The following SCAP variants were observed in gnomAD, a reference collection of about 807,000 sequenced individuals.
SCAP encodes the protein SREBF chaperone, also known as sterol regulatory element-binding protein cleavage-activating protein.
In SCAP, 65 loss-of-function variants were observed where a neutral mutation model predicts 123.6. The ratio of observed to expected loss-of-function variants is 0.53; its 90% confidence interval spans 0.43 to 0.65. The LOEUF (loss-of-function observed/expected upper bound fraction) is 0.65. Among genes scored for constraint, SCAP ranks in the 30% least tolerant of loss-of-function variants. The probability of loss-of-function intolerance (pLI) is 0.00; values close to 1 mark genes in which losing one functional copy is unlikely to be tolerated. For synonymous variants in SCAP, 740 were observed against 726.3 expected, an observed-to-expected ratio of 1.02 and a Z score of -0.30; for missense variants, 1,398 against 1,712.5, an observed-to-expected ratio of 0.82 and a Z score of 3.24.
At chr3:47,422,773 GGAGA>G in intron 9 of SCAP, 1 of 446,576 alleles carries the variant, frequency 2.2e-6, no homozygotes, top group Admixed American at 3.8e-5. Flanking sequence ...AGGGTGCAGA[GGAGA>G]GCTATAATCA....
intron 2 of SCAP, among the ~76,000 whole-genome samples, chr3:47,436,709 G>A (rs1324285513): frequency 2.0e-5 from 3 of 152,122 alleles, no homozygotes; most frequent in Non-Finnish European, 4.4e-5. Flanking sequence ...TTAAAATTTA[G>A]AAATAACTTC....
In SCAP at chr3:47,420,167, G is replaced by A. The variant is rs574755372; in HGVS notation, c.1563+387C>T. Among the ~76,000 whole-genome samples, 10 of 152,268 alleles carry A rather than the reference G, an allele frequency of 6.6e-5. No individual in the cohort carries two copies. Among genetic ancestry groups the A allele is most frequent in the South Asian group, 2.1e-4 (1 of 4,816 alleles). On this transcript the variant is annotated intron_variant, in intron 12 of 22. Transcript: ENST00000265565. The surrounding 1 kb of genome is among the most constrained non-coding windows in gnomAD (Gnocchi z 5.0). ...TGCTGCCCCAAGGCCAGCCCAGCCC[G>A]GCTGGTGAATGATTTTGCCCAGCAC...
At chr3:47,436,124 A>G (rs1317600563) in intron 2 of SCAP, among the ~76,000 whole-genome samples, 1 of 152,198 alleles carries the variant, frequency 6.6e-6, no homozygotes, top group Non-Finnish European at 1.5e-5. Context: ...TTGCCAAATT[A>G]GATATAAGGG....
Position 47,426,188 on chromosome 3 carries a change from G to T in SCAP, c.738-19C>A, listed in dbSNP as rs1337733162. Reference sequence around the variant, plus strand: ...CAGGAACCTGGTCAAGGAGCAGGGTGGGGGTAAATGGAAGTGTTGCTCTTG... The same window carrying T: ...CAGGAACCTGGTCAAGGAGCAGGGTTGGGGTAAATGGAAGTGTTGCTCTTG... On this transcript the variant is annotated intron_variant, in intron 6 of 22. Coordinates refer to ENST00000265565, the MANE Select transcript of SCAP (RefSeq NM_012235.4). 3 of 1,606,668 alleles carry T rather than the reference G, an allele frequency of 1.9e-6. No individual in the cohort carries two copies. The highest frequency in any genetic ancestry group is 2.2e-5 in the East Asian group (1 of 44,756).
In SCAP at chr3:47,419,692, C is replaced by G; in HGVS notation, c.1576G>C (p.Val526Leu). Residue 526 changes from valine to leucine, a missense_variant, in exon 13 of 23, where the codon GTC becomes CTC. Coordinates refer to ENST00000265565, the MANE Select transcript of SCAP (RefSeq NM_012235.4). The surrounding 1 kb of genome is among the most constrained non-coding windows in gnomAD (Gnocchi z 5.0). ...AQRLIMAGTV[V>L]WIGILVYTDP... is the part of the protein sequence containing the mutation. ...GTGTATACCAGGATGCCAATCCAGA[C>G]AACGGTGCCAGCCTGCAGTGGGGCA... 6.6e-7 allele frequency: 1 copy of G among 1,521,446 alleles called. No homozygotes were observed. Among genetic ancestry groups the G allele is most frequent in the Non-Finnish European group, 8.8e-7 (1 of 1,134,316 alleles). The allele number at this position is 1,521,446 out of a possible 1,614,324, so 94.2% of individuals were successfully genotyped here.
At chr3:47,417,099 G>C (rs1278583753) in intron 18 of SCAP, 23 bp downstream of exon 18, 2 of 1,609,202 alleles carry the variant, frequency 1.2e-6, no homozygotes, top group African/African-American at 1.3e-5. Flanking sequence ...GGGACATCTG[G>C]GGCTGAGGCA....
At position 47,419,703 on chromosome 3, in the gene SCAP, G is replaced by A; in HGVS notation, c.1565C>T (p.Ala522Val). ...RTRLAQRLIM[A>V]GTVVWIGILV... ...GATGCCAATCCAGACAACGGTGCCAGCCTGCAGTGGGGCAGGGGGTACTCA... is the reference window on the plus strand; with the variant it reads ...GATGCCAATCCAGACAACGGTGCCAACCTGCAGTGGGGCAGGGGGTACTCA... Residue 522 changes from alanine (A) to valine (V), a missense_variant and splice_region_variant, in exon 13 of 23, where the codon GCT (alanine) becomes GTT (valine). Physicochemically the swap from Ala to Val is moderately conservative, Grantham distance 64. Coordinates refer to ENST00000265565, the MANE Select transcript of SCAP (RefSeq NM_012235.4). This position sits in a 1 kb window ranked among gnomAD's most constrained non-coding sequence, Gnocchi z 5.0. 6.6e-7 allele frequency: 1 copy of A among 1,520,178 alleles called. No homozygotes were observed. The highest frequency in any genetic ancestry group is 8.8e-7 in the Non-Finnish European group (1 of 1,134,180). The allele number at this position is 1,520,178 out of a possible 1,614,324, so 94.2% of individuals were successfully genotyped here.
At position 47,419,620 on chromosome 3, in the gene SCAP, G is replaced by C; in HGVS notation, c.1648C>G (p.Gln550Glu). 1 of 1,590,526 alleles carries C rather than the reference G, an allele frequency of 6.3e-7. No individual in the cohort carries two copies. The highest frequency in any genetic ancestry group is 1.1e-5 in the South Asian group (1 of 87,948). Residue 550 changes from glutamine (Q) to glutamate (E), a missense_variant, in exon 13 of 23, where the codon CAG becomes GAG. Transcript: ENST00000265565. This position sits in a 1 kb window ranked among gnomAD's most constrained non-coding sequence, Gnocchi z 5.0. ...AGGGCTCCCTCACCCAATGGGCTCT[G>C]TTCCGTCACCTGGGCAGCGAGGTAG... ...RNYLAAQVTE[Q>E]SPLGEGALAP...
chr3:47,428,821 G>A (rs1706247305), intron 3 of SCAP, 151 bp from the exon 4 acceptor site: 2 of 759,132 alleles, frequency 2.6e-6, no homozygotes, highest in Non-Finnish European at 4.1e-6. Flanking sequence ...TTTGCAGGAT[G>A]GCAGATAAGA....
intron 1 of SCAP, chr3:47,469,811 G>GC: frequency 1.7e-6 from 1 of 580,084 alleles, no homozygotes; most frequent in South Asian, 1.4e-5. Context: ...GACTTGCAAG[G>GC]CTATTACCCT....
Position 47,417,364 on chromosome 3 carries a change from G to C in SCAP, c.2910C>G (p.Ile970Met). The change falls in exon 17 of 23, where the codon ATC (isoleucine) becomes ATG (methionine). Residue 970 changes from isoleucine to methionine, a missense_variant. By Grantham distance (10) the Ile-to-Met change is conservative. This residue lies in a region of SCAP where 828 missense variants were observed against 882.5 expected (regional missense o/e 0.94). Coordinates refer to ENST00000265565, the MANE Select transcript of SCAP (RefSeq NM_012235.4). The stretch of plus-strand genomic sequence containing the variant: ...GGTTGCCCTGCAGCTCCAAGCTCCA[G>C]ATGGAACCCTCGGCACTGGGGGCCC... Reference protein sequence around the residue: ...LAWAPSAEGSIWSLELQGNLI... With the variant: ...LAWAPSAEGSMWSLELQGNLI... The C allele has an allele frequency of 6.2e-7, 1 of 1,610,078 alleles. No homozygotes were observed. Among genetic ancestry groups the C allele is most frequent in the South Asian group, 1.1e-5 (1 of 90,668 alleles).
At chr3:47,418,937 G>C in intron 13 of SCAP, 94 bp from the exon 14 acceptor site, 1 of 1,305,676 alleles carries the variant, frequency 7.7e-7, no homozygotes, top group Non-Finnish European at 1.0e-6. Context: ...TCCCCAGGCA[G>C]GCCTCAGCTC....
rs1272984976 is a variant in SCAP, at chr3:47,414,942, T to C, written c.3191A>G (p.Asp1064Gly). 1.9e-6 allele frequency: 3 copies of C among 1,611,446 alleles called. No individual in the cohort carries two copies. Among genetic ancestry groups the C allele is most frequent in the Non-Finnish European group, 1.7e-6 (2 of 1,179,204 alleles). Residue 1064 changes from aspartate to glycine, a missense_variant, in exon 20 of 23, where the codon GAC becomes GGC. This residue lies in a region of SCAP where 828 missense variants were observed against 882.5 expected (regional missense o/e 0.94). Transcript: ENST00000265565. Reference protein sequence around the residue: ...SPASPVYSSSDTVACHLTHTV... With the variant: ...SPASPVYSSSGTVACHLTHTV... ...GTGGGTCAGGTGACAGGCCACTGTG[T>C]CGCTGCTGCTGTACACTGGAGAGGC...
intron 1 of SCAP, among the ~76,000 whole-genome samples, chr3:47,452,136 C>T (rs544458255): frequency 2.5e-4 from 38 of 152,218 alleles, no homozygotes; most frequent in Non-Finnish European, 4.9e-4. Flanking sequence ...ATTTAAAACT[C>T]TGTAATTGTA....
At chr3:47,469,820 C>T in intron 1 of SCAP, 1 of 586,450 alleles carries the variant, frequency 1.7e-6, no homozygotes, top group South Asian at 1.4e-5. Context: ...GGCTATTACC[C>T]TGGGCAGTTG....
chr3:47,465,848 A>AC (rs71098488), intron 1 of SCAP, among the ~76,000 whole-genome samples: 1 of 151,386 alleles, frequency 6.6e-6, no homozygotes. Flanking sequence ...AAACAAAAAA[A>AC]AAAAAGCTGG....
At chr3:47,416,618 T>A (rs1283969501) in intron 18 of SCAP, among the ~76,000 whole-genome samples, 2 of 7,064 alleles carry the variant, frequency 2.8e-4, no homozygotes, top group African/African-American at 4.1e-4. Context: ...CCTAACGCTT[T>A]TTTTTTTTTT....
chr3:47,446,170 G>A (rs1192772292), intron 1 of SCAP, among the ~76,000 whole-genome samples: 2 of 148,158 alleles, frequency 1.3e-5, no homozygotes, highest in Non-Finnish European at 3.0e-5. Context: ...ACTGCACCTG[G>A]CCAACCTTTT....
rs1231204167 is a variant in SCAP, at chr3:47,414,579, A to G, written c.3380T>C (p.Ile1127Thr). 6.2e-7 allele frequency: 1 copy of G among 1,613,460 alleles called. No homozygotes were observed. Among genetic ancestry groups the G allele is most frequent in the Admixed American group, 1.7e-5 (1 of 60,026 alleles). ...GHSGAITTVY[I>T]DQTMVLASGG... ...CACCTGCAGGCCGCTTACCTGGTCA[A>G]TGTACACGGTCGTGATGGCCCCTGA... Residue 1127 changes from isoleucine to threonine, a missense_variant, in exon 21 of 23, where the codon ATT becomes ACT. Ile to Thr is a moderately conservative substitution (Grantham distance 89). Around this residue, in one of 7 missense-constraint regions of SCAP, gnomAD observed 44 missense variants for 64.4 expected, o/e 0.68. Transcript: ENST00000265565.
Sources: gnomAD v4.1 joint callset for allele counts (sites outside exome capture counted in the v4.1 genomes callset) on GRCh38, gnomAD v4.1.1 for gene constraint, gnomAD v4.1.1 regional missense constraint, Gnocchi (gnomAD v3.1) non-coding constraint, MANE v1.5 for transcripts, NCBI Gene and HGNC (gene_info 2026-07-23, HGNC 2026-07-21) for gene names.